The following DNER variants were observed in gnomAD, a reference collection of about 807,000 sequenced individuals.
The protein encoded by DNER is delta/notch like EGF repeat containing.
In DNER, 33 loss-of-function variants were observed where a neutral mutation model predicts 78.2. That is an observed-to-expected ratio of 0.42 (90% CI 0.32 to 0.56). The LOEUF (loss-of-function observed/expected upper bound fraction) is 0.56, where lower values mean the gene tolerates loss of function less well. DNER is among the 20% of genes least tolerant of loss of function. The probability of loss-of-function intolerance (pLI) is 0.11; values close to 1 mark genes in which losing one functional copy is unlikely to be tolerated. For missense variants in DNER, 918 were observed against 975.3 expected, an observed-to-expected ratio of 0.94 and a Z score of 0.78; for synonymous variants, 417 against 384.8, an observed-to-expected ratio of 1.08 and a Z score of -0.98.
chr2:229,441,780 C>T (rs916729384), intron 8 of DNER, among the ~76,000 whole-genome samples: 5 of 152,078 alleles, frequency 3.3e-5, no homozygotes, highest in African/African-American at 4.8e-5. Context: ...ATCCAATATC[C>T]GTGTTATGTG....
chr2:229,410,559 A>G (rs960250697), intron 9 of DNER, among the ~76,000 whole-genome samples: 1 of 152,214 alleles, frequency 6.6e-6, no homozygotes, highest in African/African-American at 2.4e-5. Flanking sequence ...TGCATCACCC[A>G]TTGGCAGAAG....
intron 4 of DNER, among the ~76,000 whole-genome samples, chr2:229,572,125 G>C (rs756428427): frequency 6.6e-6 from 1 of 152,202 alleles, no homozygotes; most frequent in African/African-American, 2.4e-5. Context: ...TTTCTAAACA[G>C]AGCATTCTCC....
intron 4 of DNER, among the ~76,000 whole-genome samples, chr2:229,552,632 C>T (rs141949602): frequency 5.6e-4 from 86 of 152,276 alleles, no homozygotes; most frequent in East Asian, 4.8e-3. Context: ...GACATGTTTG[C>T]TTCCCTTCCA....
At chr2:229,624,281 A>G (rs1205994041) in intron 1 of DNER, among the ~76,000 whole-genome samples, 1 of 152,250 alleles carries the variant, frequency 6.6e-6, no homozygotes, top group Non-Finnish European at 1.5e-5. Flanking sequence ...AGAAAAAAGC[A>G]GGAAGATGGA....
intron 1 of DNER, among the ~76,000 whole-genome samples, chr2:229,699,404 C>T (rs551346407): frequency 1.1e-4 from 16 of 152,214 alleles, no homozygotes; most frequent in African/African-American, 3.4e-4. Flanking sequence ...CTTGCTCTGC[C>T]GCCTAGGCTG....
At chr2:229,536,391 G>A (rs1341762224) in intron 5 of DNER, among the ~76,000 whole-genome samples, 1 of 152,162 alleles carries the variant, frequency 6.6e-6, no homozygotes. Flanking sequence ...CACTGGATGA[G>A]AGAATGAAAA....
intron 9 of DNER, among the ~76,000 whole-genome samples, chr2:229,414,677 G>C (rs952198830): frequency 1.3e-5 from 2 of 152,150 alleles, no homozygotes; most frequent in African/African-American, 2.4e-5. Context: ...TTTTCCTTAA[G>C]AGCAAGAGTG....
intron 11 of DNER, among the ~76,000 whole-genome samples, chr2:229,387,839 A>G (rs1469073762): frequency 6.6e-6 from 1 of 150,480 alleles, no homozygotes; most frequent in Non-Finnish European, 1.5e-5. Flanking sequence ...ACTTGAACAC[A>G]TAAATAAAAA....
chr2:229,678,739 T>C (rs1699338096), intron 1 of DNER, among the ~76,000 whole-genome samples: 1 of 152,154 alleles, frequency 6.6e-6, no homozygotes, highest in African/African-American at 2.4e-5. Context: ...GAAAAGTACA[T>C]CAACTCATTT....
chr2:229,668,996 T>G (rs898729959), intron 1 of DNER, among the ~76,000 whole-genome samples: 19 of 152,030 alleles, frequency 1.2e-4, no homozygotes, highest in Non-Finnish European at 2.4e-4. Flanking sequence ...ATAGACTGGA[T>G]AAAGAAAATG....
chr2:229,425,155 C>G (rs1164784248), intron 8 of DNER, among the ~76,000 whole-genome samples: 1 of 152,162 alleles, frequency 6.6e-6, no homozygotes, highest in Non-Finnish European at 1.5e-5. Context: ...TGGGGTGACT[C>G]TCTCCTGTAC....
intron 6 of DNER, among the ~76,000 whole-genome samples, chr2:229,491,412 A>C (rs928614641): frequency 2.0e-5 from 3 of 152,198 alleles, no homozygotes; most frequent in African/African-American, 7.2e-5. Context: ...TGAAGCTCTC[A>C]TGACCCAATC....
At chr2:229,509,540 G>A (rs187335274) in intron 6 of DNER, among the ~76,000 whole-genome samples, 5 of 152,334 alleles carry the variant, frequency 3.3e-5, no homozygotes, top group East Asian at 1.9e-4. Flanking sequence ...CAGGCCAGGC[G>A]CAGTGGCGCA....
chr2:229,472,568 A>AC (rs1694945851), intron 7 of DNER, among the ~76,000 whole-genome samples: 1 of 152,216 alleles, frequency 6.6e-6, no homozygotes. Context: ...ATATTTAAAT[A>AC]CCAATATGCA....
chr2:229,396,190 C>T (rs1693136980), intron 10 of DNER, among the ~76,000 whole-genome samples: 1 of 151,970 alleles, frequency 6.6e-6, no homozygotes, highest in Non-Finnish European at 1.5e-5. Flanking sequence ...GTGATATATC[C>T]CTACCAAAAT....
intron 8 of DNER, among the ~76,000 whole-genome samples, chr2:229,438,053 T>A (rs1334353012): frequency 6.6e-6 from 1 of 152,166 alleles, no homozygotes; most frequent in Non-Finnish European, 1.5e-5. Context: ...AGGCATCAAA[T>A]CAAATAAAAT....
intron 1 of DNER, among the ~76,000 whole-genome samples, chr2:229,655,820 A>C (rs1698901854): frequency 6.6e-6 from 1 of 152,074 alleles, no homozygotes; most frequent in African/African-American, 2.4e-5. Flanking sequence ...AGAGAAAGGA[A>C]GGGAAAGGAA....
intron 8 of DNER, among the ~76,000 whole-genome samples, chr2:229,435,737 A>C (rs1694108969): frequency 6.6e-6 from 1 of 152,198 alleles, no homozygotes; most frequent in African/African-American, 2.4e-5. Flanking sequence ...GGCATCAGAA[A>C]CCATCTGGTA....
chr2:229,563,497 T>TTGC (rs1697011730), intron 4 of DNER, among the ~76,000 whole-genome samples: 1 of 123,150 alleles, frequency 8.1e-6, no homozygotes, highest in African/African-American at 3.5e-5. Flanking sequence ...CCTCACCCCA[T>TTGC]CATCATCATC....
Sources: allele counts gnomAD v4.1 joint callset (sites outside exome capture counted in the v4.1 genomes callset), GRCh38; gene constraint gnomAD v4.1.1; transcripts MANE v1.5; gene names NCBI Gene and HGNC (gene_info 2026-07-23, HGNC 2026-07-21).